FGD6: variants seen among roughly 807,000 people sequenced by gnomAD.
FGD6 encodes FYVE, RhoGEF and PH domain containing 6.
FGD6 carries 90 observed loss-of-function variants against 149.4 expected under a neutral mutation model. The observed-to-expected ratio is 0.60, with a 90% CI of 0.51 to 0.72. FGD6 has a LOEUF of 0.72. Ranked by LOEUF, FGD6 falls within the 30% of genes least tolerant of loss-of-function variation. FGD6 has a pLI of 0.00. For missense variants in FGD6, 1,437 were observed against 1,684.8 expected, an observed-to-expected ratio of 0.85 and a Z score of 2.57; for synonymous variants, 527 against 584.0, an observed-to-expected ratio of 0.90 and a Z score of 1.41.
At chr12:95,213,213 CA>C (rs1336279469) in intron 1 of FGD6, among the ~76,000 whole-genome samples, 1 of 152,170 alleles carries the variant, frequency 6.6e-6, no homozygotes, top group Non-Finnish European at 1.5e-5. Flanking sequence ...GTACGACTGT[CA>C]AGTTGATTTT....
chr12:95,102,079 GGT>G (rs1160088375), intron 14 of FGD6, among the ~76,000 whole-genome samples: 4 of 151,676 alleles, frequency 2.6e-5, no homozygotes, highest in African/African-American at 9.7e-5. Context: ...GCTGAGTGGG[GGT>G]GGATCACCTG....
Position 95,080,846 on chromosome 12 carries a change from A to T in FGD6, c.*674T>A, listed in dbSNP as rs1206753289. On this transcript the variant is annotated 3_prime_UTR_variant, in exon 21 of 21. Transcript: ENST00000343958. ...TGCAAATAAAAACATCTTCATTCCT[A>T]CTCACAGTTTTAAAAAATTCAGATT... 6.6e-6 allele frequency: 1 copy of T among 152,158 alleles called. No individual in the cohort carries two copies. The highest frequency in any genetic ancestry group is 1.5e-5 in the Non-Finnish European group (1 of 68,014). 9.4% of individuals were successfully genotyped at this position (152,158 alleles called of 1,614,324 possible).
At chr12:95,100,673 C>T in intron 14 of FGD6, 2 of 538,422 alleles carry the variant, frequency 3.7e-6, no homozygotes, top group Non-Finnish European at 7.5e-6. Flanking sequence ...GCAAAGCTGG[C>T]ACCAGAATTC....
intron 8 of FGD6, among the ~76,000 whole-genome samples, chr12:95,120,497 G>C (rs1225203002): frequency 4.0e-5 from 6 of 151,846 alleles, no homozygotes; most frequent in African/African-American, 1.5e-4. Flanking sequence ...GACCAGCCTG[G>C]CCAACATAGC....
intron 14 of FGD6, 95 bp downstream of exon 14, chr12:95,104,912 C>CA (rs1259001833): frequency 1.2e-4 from 120 of 978,184 alleles, no homozygotes; most frequent in Non-Finnish European, 1.5e-4. Flanking sequence ...GATGCTGTCT[C>CA]AAAAAAAACC....
intron 3 of FGD6, among the ~76,000 whole-genome samples, chr12:95,163,588 A>G (rs1354846873): frequency 3.3e-5 from 5 of 152,334 alleles, no homozygotes; most frequent in Non-Finnish European, 7.3e-5. Flanking sequence ...GTGTATAAGG[A>G]TGGCTGCCAC....
chr12:95,083,028 T>TACACACACACAC (rs1275300348), intron 20 of FGD6, among the ~76,000 whole-genome samples: 2 of 67,852 alleles, frequency 2.9e-5, no homozygotes, highest in African/African-American at 1.0e-4. Flanking sequence ...TATATATATA[T>TACACACACACAC]ATACACACAC....
intron 1 of FGD6, 38 bp downstream of exon 1, chr12:95,217,185 CCA>C (rs778879602): frequency 1.6e-5 from 25 of 1,611,854 alleles, no homozygotes; most frequent in Non-Finnish European, 2.1e-5. Flanking sequence ...GCAGCGCTCG[CCA>C]CAAACTTTCC....
At chr12:95,152,216 C>A (rs1880330870) in intron 5 of FGD6, among the ~76,000 whole-genome samples, 1 of 152,066 alleles carries the variant, frequency 6.6e-6, no homozygotes, top group South Asian at 2.1e-4. Context: ...GTCCCAGCTG[C>A]TCAGGAGCCT....
At chr12:95,147,246 C>T (rs1880044136) in intron 5 of FGD6, among the ~76,000 whole-genome samples, 1 of 152,050 alleles carries the variant, frequency 6.6e-6, no homozygotes, top group Admixed American at 6.6e-5. Flanking sequence ...GTGGGAAAGT[C>T]CCCACATTAA....
At chr12:95,093,452 G>T (rs2136234289) in intron 15 of FGD6, among the ~76,000 whole-genome samples, 1 of 152,074 alleles carries the variant, frequency 6.6e-6, no homozygotes, top group East Asian at 1.9e-4. Flanking sequence ...GGCCGAGGCG[G>T]GTGGATCACC....
chr12:95,152,760 G>A (rs779910010), intron 5 of FGD6, 51 bp downstream of exon 5: 1 of 1,554,316 alleles, frequency 6.4e-7, no homozygotes. Flanking sequence ...GGTAGGGAAA[G>A]TACAAAAGGG....
chr12:95,083,013 A>AAATT (rs1877741428), intron 20 of FGD6, among the ~76,000 whole-genome samples: 3 of 35,058 alleles, frequency 8.6e-5, no homozygotes, highest in Non-Finnish European at 1.1e-4. Context: ...AAAAAAAAAA[A>AAATT]TATATATATA....
At position 95,108,398 on chromosome 12, in the gene FGD6, G is replaced by A. The variant is rs1313269365; in HGVS notation, c.3214C>T (p.Gln1072Ter). The change falls in exon 11 of 21, where the codon CAA becomes TAA. Residue 1072 changes from glutamine to a stop codon, truncating the protein, a stop_gained. Coordinates refer to ENST00000343958, the MANE Select transcript of FGD6 (RefSeq NM_018351.4). LOFTEE classifies it high-confidence loss of function. ...TGTCCATTTAAGCTGTACTGAATTTGCATAAGTTTCTGAAAGTTGTCCTAC... is the reference window on the plus strand; with the variant it reads ...TGTCCATTTAAGCTGTACTGAATTTACATAAGTTTCTGAAAGTTGTCCTAC... Reference protein sequence around the residue: ...KQGDNFQKLMQIQYSLNGHHE... With the variant: ...KQGDNFQKLM The A allele has an allele frequency of 6.2e-7, 1 of 1,614,118 alleles. No individual in the cohort carries two copies. Among genetic ancestry groups the A allele is most frequent in the East Asian group, 2.2e-5 (1 of 44,878 alleles).
At chr12:95,132,770 T>C (rs545204259) in intron 8 of FGD6, among the ~76,000 whole-genome samples, 11 of 151,838 alleles carry the variant, frequency 7.2e-5, no homozygotes, top group Non-Finnish European at 1.0e-4. Flanking sequence ...AATAAATAAA[T>C]AAACAAATAA....
At chr12:95,152,168 A>G (rs1880328353) in intron 5 of FGD6, among the ~76,000 whole-genome samples, 2 of 152,112 alleles carry the variant, frequency 1.3e-5, no homozygotes, top group Admixed American at 1.3e-4. Context: ...TCTACAAAAA[A>G]TACAAAATTT....
intron 2 of FGD6, among the ~76,000 whole-genome samples, chr12:95,205,703 G>A (rs1056011432): frequency 6.6e-6 from 1 of 152,126 alleles, no homozygotes; most frequent in Non-Finnish European, 1.5e-5. Context: ...GTCCTCCTCA[G>A]GAAGACTTGA....
chr12:95,188,629 G>A (rs1285472187), intron 2 of FGD6, among the ~76,000 whole-genome samples: 1 of 152,126 alleles, frequency 6.6e-6, no homozygotes, highest in Non-Finnish European at 1.5e-5. Context: ...TGGATAAAGA[G>A]AAGAAAAGGA....
intron 3 of FGD6, among the ~76,000 whole-genome samples, chr12:95,170,597 G>A (rs1216497502): frequency 2.0e-5 from 3 of 152,128 alleles, no homozygotes; most frequent in Admixed American, 6.5e-5. Context: ...AGCCGAGATC[G>A]CGCCATTGTA....
Sources: gnomAD v4.1 joint callset for allele counts (sites outside exome capture counted in the v4.1 genomes callset) on GRCh38, gnomAD v4.1.1 for gene constraint, MANE v1.5 for transcripts, NCBI Gene and HGNC (gene_info 2026-07-23, HGNC 2026-07-21) for gene names.